The following NYX variants were observed in gnomAD, a reference collection of about 807,000 sequenced individuals.
The protein encoded by NYX is nyctalopin, also known as leucine-rich repeat protein.
For synonymous variants in NYX, 258 were observed against 245.7 expected, an observed-to-expected ratio of 1.05 and a Z score of -0.47; for missense variants, 481 against 485.4, an observed-to-expected ratio of 0.99 and a Z score of 0.09.
intron 2 of NYX, 32 bp downstream of exon 2, chrX:41,447,958 G>C: frequency 8.4e-7 from 1 of 1,194,954 alleles, no homozygotes; most frequent in Non-Finnish European, 1.1e-6. Flanking sequence ...TGCAAGGGTT[G>C]GGAAGAGGGG....
Position 41,458,054 on chromosome X carries a change from A to AGT in NYX, c.22+10132_22+10133dup, listed in dbSNP as rs958744794. Among the ~76,000 whole-genome samples, 10 of 111,615 alleles carry AGT rather than the reference A, an allele frequency of 9.0e-5. No homozygotes were observed. The East Asian group carries it at 1.1e-3, about 13-fold the overall frequency. Reference sequence around the variant, plus strand: ...GCGCCATCCCATGGTGGAAGGTGGAAGTGTGAGAGAGCAAGATGGGGCTGA... The same window carrying AGT: ...GCGCCATCCCATGGTGGAAGGTGGAAGTGTGTGAGAGAGCAAGATGGGGCTGA... On this transcript the variant is annotated intron_variant, in intron 2 of 2. Coordinates refer to ENST00000378220, the MANE Select transcript of NYX (RefSeq NM_001378477.3).
In NYX at chrX:41,473,888, C is replaced by T. The variant is rs893366154; in HGVS notation, c.420C>T (p.Cys140=). The change falls in exon 3 of 3, where the codon TGC becomes TGT. Residue 140 remains cysteine (C), a synonymous_variant. Coordinates refer to ENST00000378220, the MANE Select transcript of NYX (RefSeq NM_001378477.3). The stretch of plus-strand genomic sequence containing the variant: ...TGCGCCGCCTAGACCTAGCAGCCTG[C>T]CGCCTCTTCAGCGTGCCCGAGCGCC... ...SRLRRLDLAA[C]RLFSVPERLL... is the part of the protein sequence containing the mutation. 4 of 1,128,400 alleles carry T rather than the reference C, an allele frequency of 3.5e-6. No homozygotes were observed. The highest frequency in any genetic ancestry group is 3.8e-5 in the African/African-American group (2 of 52,944). The allele number at this position is 1,128,400 out of a possible 1,213,427, so 93.0% of individuals were successfully genotyped here.
At chrX:41,470,694 C>CAAA (rs554668854) in intron 2 of NYX, among the ~76,000 whole-genome samples, 12,295 of 57,191 alleles carry the variant, frequency 0.21, 1,472 homozygotes, top group African/African-American at 0.31. Flanking sequence ...GACTCTGTCT[C>CAAA]AAAAAAAAAA....
chrX:41,474,730 C>A lies in NYX; in HGVS notation c.1262C>A (p.Pro421Gln), dbSNP rs746901065. The change falls in exon 3 of 3, where the codon CCG (proline) becomes CAG (glutamine). Residue 421 changes from proline to glutamine, a missense_variant. Physicochemically the swap from Pro to Gln is moderately conservative, Grantham distance 76. Coordinates refer to ENST00000378220, the MANE Select transcript of NYX (RefSeq NM_001378477.3). ...LLSKLLAPRV[P>Q]VEEAANTTGG... Reference sequence around the variant, plus strand: ...TCCAAGCTGCTGGCCCCGAGGGTCCCGGTGGAGGAGGCGGCCAACACCACT... The same window carrying A: ...TCCAAGCTGCTGGCCCCGAGGGTCCAGGTGGAGGAGGCGGCCAACACCACT... The A allele has an allele frequency of 8.4e-7, 1 of 1,195,591 alleles. No homozygotes were observed. Among genetic ancestry groups the A allele is most frequent in the South Asian group, 1.8e-5 (1 of 54,665 alleles).
intron 2 of NYX, among the ~76,000 whole-genome samples, chrX:41,472,954 A>G (rs2064367832): frequency 9.0e-6 from 1 of 111,109 alleles, no homozygotes; most frequent in African/African-American, 3.3e-5. Context: ...GCCCGTCACC[A>G]CGCCCGGCTA....
chrX:41,465,992 T>C (rs2064336655), intron 2 of NYX, among the ~76,000 whole-genome samples: 1 of 111,612 alleles, frequency 9.0e-6, no homozygotes, highest in African/African-American at 3.3e-5. Flanking sequence ...ATACTAACTT[T>C]GTGGCTCCTC....
At position 41,474,915 on chromosome X, in the gene NYX, G is replaced by GA; in HGVS notation, c.*19dup. ...GATGGACTGACCTGGCCAGAGGGGG[G>GA]AAAGTTTGCTTAACTGGGCTTGAGT... On this transcript the variant is annotated 3_prime_UTR_variant, in exon 3 of 3. Transcript: ENST00000378220. The GA allele has an allele frequency of 8.5e-7, 1 of 1,176,857 alleles. No individual in the cohort carries two copies.
In NYX at chrX:41,474,817, G is replaced by A; in HGVS notation, c.1349G>A (p.Gly450Asp). ...TCCTCCCGTGGGGTGGGAGGCGCGG[G>A]CCGGCAGCCCTGGTTTCTCCTCGCC... ...SLSSRGVGGA[G>D]RQPWFLLASC... Residue 450 changes from glycine (G) to aspartate (D), a missense_variant, in exon 3 of 3, where the codon GGC becomes GAC. By Grantham distance (94) the Gly-to-Asp change is moderately conservative. Transcript: ENST00000378220. The A allele has an allele frequency of 9.1e-6, 11 of 1,204,837 alleles. No individual in the cohort carries two copies. The highest frequency in any genetic ancestry group is 1.2e-5 in the Non-Finnish European group (11 of 892,992).
intron 2 of NYX, among the ~76,000 whole-genome samples, chrX:41,467,616 A>G (rs1307271726): frequency 9.1e-6 from 1 of 110,397 alleles, no homozygotes; most frequent in Non-Finnish European, 1.9e-5. Flanking sequence ...TGCCTCCCAA[A>G]GTGCTGGAAT....
chrX:41,474,819 C>T lies in NYX; in HGVS notation c.1351C>T (p.Arg451Trp), dbSNP rs918264354. 1 of 1,203,425 alleles carries T rather than the reference C, an allele frequency of 8.3e-7. No homozygotes were observed. Among genetic ancestry groups the T allele is most frequent in the African/African-American group, 1.7e-5 (1 of 57,426 alleles). ...CTCCCGTGGGGTGGGAGGCGCGGGCCGGCAGCCCTGGTTTCTCCTCGCCTC... is the reference window on the plus strand; with the variant it reads ...CTCCCGTGGGGTGGGAGGCGCGGGCTGGCAGCCCTGGTTTCTCCTCGCCTC... ...LSSRGVGGAG[R>W]QPWFLLASCL... The change falls in exon 3 of 3, where the codon CGG becomes TGG. Residue 451 changes from arginine to tryptophan, a missense_variant. Physicochemically the swap from Arg to Trp is moderately radical, Grantham distance 101. Coordinates refer to ENST00000378220, the MANE Select transcript of NYX (RefSeq NM_001378477.3).
At position 41,474,086 on chromosome X, in the gene NYX, C is replaced by T. The variant is rs1181002164; in HGVS notation, c.618C>T (p.Leu206=). The change falls in exon 3 of 3, where the codon CTC becomes CTT. Residue 206 remains leucine (L), a synonymous_variant. Transcript: ENST00000378220. ...AGGGCCTGCGCCGCCTGCGCTCGCT[C>T]AGCCTGCAGGCCAACCGCGTCCGTG... ...SLQGLRRLRS[L]SLQANRVRAV... The T allele has an allele frequency of 1.2e-5, 13 of 1,090,341 alleles. 1 individual carries two copies. The highest frequency in any genetic ancestry group is 1.4e-5 in the Non-Finnish European group (12 of 842,986). The allele number at this position is 1,090,341 out of a possible 1,213,427, so 89.9% of individuals were successfully genotyped here.
intron 2 of NYX, among the ~76,000 whole-genome samples, chrX:41,464,164 A>G (rs749347696): frequency 1.3e-5 from 1 of 77,039 alleles, no homozygotes; most frequent in African/African-American, 4.8e-5. Context: ...TTTTTTTTTT[A>G]AAACAAGGTC....
intron 2 of NYX, among the ~76,000 whole-genome samples, chrX:41,450,560 C>T (rs928208369): frequency 5.5e-5 from 6 of 108,583 alleles, no homozygotes; most frequent in Non-Finnish European, 9.6e-5. Flanking sequence ...TGTGAGCCAC[C>T]GTGCCCCACC....
rs369485262 is a variant in NYX, at chrX:41,474,214, G to T, written c.746G>T (p.Arg249Leu). The change falls in exon 3 of 3, where the codon CGG (arginine) becomes CTG (leucine). Residue 249 changes from arginine to leucine, a missense_variant. By Grantham distance (102) the Arg-to-Leu change is moderately radical (BLOSUM62 -2). Coordinates refer to ENST00000378220, the MANE Select transcript of NYX (RefSeq NM_001378477.3). ...CCGGCCGACGCCTTCCGCGGCCTGC[G>T]GCGCCTGCGCACGCTCAACCTGGGT... Reference protein sequence around the residue: ...ELPADAFRGLRRLRTLNLGGN... With the variant: ...ELPADAFRGLLRLRTLNLGGN... 8.4e-7 allele frequency: 1 copy of T among 1,187,400 alleles called. No individual in the cohort carries two copies. Among genetic ancestry groups the T allele is most frequent in the Non-Finnish European group, 1.1e-6 (1 of 888,445 alleles).
At chrX:41,451,739 C>T (rs771350514) in intron 2 of NYX, among the ~76,000 whole-genome samples, 2 of 110,827 alleles carry the variant, frequency 1.8e-5, no homozygotes, top group South Asian at 7.7e-4. Context: ...TTTTCGAACT[C>T]CTGACCTCAG....
chrX:41,460,878 T>TA lies in NYX; in HGVS notation c.23-12613_23-12612insA, dbSNP rs57251620. ...GTAAGCGGAGTCACACAGTATGTATTTTTTTTTTTTTTTTTTTTTTTTTTT... is the reference window on the plus strand; with the variant it reads ...GTAAGCGGAGTCACACAGTATGTATTATTTTTTTTTTTTTTTTTTTTTTTTT... On this transcript the variant is annotated intron_variant, in intron 2 of 2. Coordinates refer to ENST00000378220, the MANE Select transcript of NYX (RefSeq NM_001378477.3). Among the ~76,000 whole-genome samples, 4 of 38,897 alleles carry TA rather than the reference T, an allele frequency of 1.0e-4. 1 individual carries two copies. The South Asian group carries it at 5.1e-3, about 50-fold the overall frequency. 33.8% of individuals were successfully genotyped at this position (38,897 alleles called of 115,157 possible).
intron 2 of NYX, among the ~76,000 whole-genome samples, chrX:41,452,723 C>G: frequency 9.0e-6 from 1 of 111,192 alleles, no homozygotes; most frequent in Non-Finnish European, 1.9e-5. Context: ...TGCGAGGCTA[C>G]CAGCACACCA....
chrX:41,462,000 C>T (rs1479749377), intron 2 of NYX, among the ~76,000 whole-genome samples: 1 of 110,858 alleles, frequency 9.0e-6, no homozygotes, highest in Non-Finnish European at 1.9e-5. Flanking sequence ...CGGGGTTTCA[C>T]TATATTGGCC....
intron 2 of NYX, chrX:41,472,556 G>C: frequency 1.8e-6 from 1 of 548,008 alleles, no homozygotes; most frequent in Non-Finnish European, 3.1e-6. Flanking sequence ...TGACTACAGG[G>C]GGGCTCTGCG....
Sources: allele counts gnomAD v4.1 joint callset (sites outside exome capture counted in the v4.1 genomes callset), GRCh38; gene constraint gnomAD v4.1.1; transcripts MANE v1.5; gene names NCBI Gene and HGNC (gene_info 2026-07-23, HGNC 2026-07-21).